The following GSE1 variants were observed in gnomAD, a reference collection of about 807,000 sequenced individuals.
GSE1 encodes the protein Gse1 coiled-coil protein.
GSE1 carries 32 observed loss-of-function variants against 112.6 expected under a neutral mutation model. The observed-to-expected ratio is 0.28, with a 90% CI of 0.21 to 0.38. The LOEUF is 0.38. Ranked by LOEUF, GSE1 falls within the 10% of genes least tolerant of loss-of-function variation. The pLI, the probability that GSE1 is intolerant of heterozygous loss-of-function variation, is 1.00. For synonymous variants in GSE1, 1,115 were observed against 735.6 expected (o/e 1.52, Z -8.35); for missense variants, 2,348 against 1,699.2 (o/e 1.38, Z -6.71).
chr16:85,194,288 C>T (rs2074885340), intron 1 of GSE1, among the ~76,000 whole-genome samples: 2 of 152,188 alleles, frequency 1.3e-5, no homozygotes, highest in Non-Finnish European at 2.9e-5. Flanking sequence ...TCCTGGGATG[C>T]TGGTTCTTTC....
At chr16:85,475,080 C>T (rs765573184) in intron 2 of GSE1, among the ~76,000 whole-genome samples, 2 of 152,164 alleles carry the variant, frequency 1.3e-5, no homozygotes, top group Non-Finnish European at 2.9e-5. Flanking sequence ...CTTGTAATAA[C>T]ACTCCCCGAT....
At chr16:85,578,659 C>G (rs1038880698) in intron 1 of GSE1, among the ~76,000 whole-genome samples, 43 of 152,308 alleles carry the variant, frequency 2.8e-4, no homozygotes, top group African/African-American at 9.9e-4. Flanking sequence ...CAAGTGTCCC[C>G]CGAATCAGGC....
At chr16:85,343,974 T>C (rs943950476) in intron 1 of GSE1, among the ~76,000 whole-genome samples, 1 of 152,216 alleles carries the variant, frequency 6.6e-6, no homozygotes, top group Non-Finnish European at 1.5e-5. Context: ...GCCTTTGCAC[T>C]GGCCATTCCC....
intron 2 of GSE1, among the ~76,000 whole-genome samples, chr16:85,434,505 C>T (rs73259397): frequency 0.054 from 8,135 of 152,054 alleles, 741 homozygotes; most frequent in African/African-American, 0.19. Context: ...AGCTGTTTGC[C>T]CAAGGCTCCA....
rs542033401 is a variant in GSE1 at position 85,654,166 on chromosome 16, TA to T, written c.427-111del. Reference sequence around the variant, plus strand: ...GAAAGCCTTAGGGAAAGGATGTTTCTAGAACATGAACTAAATCTAGCGCCTT... The same window carrying T: ...GAAAGCCTTAGGGAAAGGATGTTTCTGAACATGAACTAAATCTAGCGCCTT... On this transcript the variant is annotated intron_variant, in intron 3 of 15. Coordinates refer to ENST00000253458, the MANE Select transcript of GSE1 (RefSeq NM_014615.5). The T allele has an allele frequency of 5.5e-4, 542 of 977,502 alleles. 1 individual carries two copies. The Middle Eastern group carries it at 8.1e-3, about 15-fold the overall frequency. 60.6% of individuals were successfully genotyped at this position (977,502 alleles called of 1,614,324 possible). A position where few individuals can be genotyped will look rare whatever the true frequency, so the allele number is the denominator to read the frequency against.
chr16:85,224,585 C>T (rs7198287), intron 1 of GSE1, among the ~76,000 whole-genome samples: 31,395 of 151,974 alleles, frequency 0.21, 3,346 homozygotes, highest in South Asian at 0.33. Context: ...TACTATGTGC[C>T]GGGCACTGTT....
intron 1 of GSE1, among the ~76,000 whole-genome samples, chr16:85,596,617 T>C (rs567408230): frequency 1.3e-5 from 2 of 152,384 alleles, no homozygotes; most frequent in African/African-American, 4.8e-5. Flanking sequence ...TGCTTAATTT[T>C]AAAATTTTAA....
chr16:85,536,199 G>T (rs1201123048), intron 2 of GSE1, among the ~76,000 whole-genome samples: 1 of 152,238 alleles, frequency 6.6e-6, no homozygotes, highest in Non-Finnish European at 1.5e-5. Context: ...GTGGTTGAAG[G>T]CCAGGAAGTT....
At chr16:85,570,628 G>A (rs1001385840) in intron 1 of GSE1, among the ~76,000 whole-genome samples, 3 of 152,224 alleles carry the variant, frequency 2.0e-5, no homozygotes, top group Non-Finnish European at 2.9e-5. Flanking sequence ...GACCGGTGGG[G>A]TGAGCCGCGT....
At chr16:85,596,062 CT>C (rs1330709284) in intron 1 of GSE1, among the ~76,000 whole-genome samples, 2 of 151,354 alleles carry the variant, frequency 1.3e-5, no homozygotes, top group Non-Finnish European at 2.9e-5. Context: ...CCGTCCACCC[CT>C]GAACCCATCT....
In GSE1 at chr16:85,495,609, G is replaced by A. The variant is rs142174539; in HGVS notation, c.2464+137966G>A. Among the ~76,000 whole-genome samples, 93 of 151,934 alleles carry A rather than the reference G, an allele frequency of 6.1e-4. 2 individuals carry two copies. The highest frequency in any genetic ancestry group is 7.9e-4 in the Admixed American group (12 of 15,256). On this transcript the variant is annotated intron_variant, in intron 2 of 2. Transcript: ENST00000637419. ...CCTCCAGGGTTCAAGCAATTCTTAC[G>A]CCTCTCAATAAGCTGGGATTACAGG...
At chr16:85,257,548 A>G (rs1039651737) in intron 1 of GSE1, among the ~76,000 whole-genome samples, 2 of 152,266 alleles carry the variant, frequency 1.3e-5, no homozygotes, top group African/African-American at 4.8e-5. Flanking sequence ...TTAAAAGATA[A>G]TGAAAAATGA....
At chr16:85,624,092 C>G (rs903073677) in intron 1 of GSE1, among the ~76,000 whole-genome samples, 2 of 152,188 alleles carry the variant, frequency 1.3e-5, no homozygotes, top group African/African-American at 4.8e-5. Context: ...TCCTTGTGAG[C>G]AAGCGTCTCA....
chr16:85,665,860 G>T (rs772337813), intron 12 of GSE1, 116 bp from the exon 13 acceptor site: 6 of 977,692 alleles, frequency 6.1e-6, no homozygotes, highest in East Asian at 4.8e-5. Context: ...CCGGGTCTTG[G>T]TTCTTTGCGC....
At chr16:85,208,978 G>A (rs2075172965) in intron 1 of GSE1, among the ~76,000 whole-genome samples, 1 of 150,960 alleles carries the variant, frequency 6.6e-6, no homozygotes, top group African/African-American at 2.4e-5. Flanking sequence ...GTTGGGGTTT[G>A]CCACTTGTTG....
At chr16:85,559,090 T>C (rs766337926) in intron 1 of GSE1, among the ~76,000 whole-genome samples, 3 of 152,190 alleles carry the variant, frequency 2.0e-5, no homozygotes, top group Admixed American at 6.5e-5. Flanking sequence ...ACTCCTGACC[T>C]CAGGTGATCC....
chr16:85,341,350 G>A (rs7197107), intron 1 of GSE1, among the ~76,000 whole-genome samples: 7,426 of 152,186 alleles, frequency 0.049, 565 homozygotes, highest in African/African-American at 0.16. Flanking sequence ...CTACCATGCT[G>A]AGCTAATTTT....
chr16:85,391,880 G>A (rs916305034), intron 2 of GSE1, among the ~76,000 whole-genome samples: 3 of 152,160 alleles, frequency 2.0e-5, no homozygotes, highest in Admixed American at 6.5e-5. Context: ...ATGCTGGAAC[G>A]TGTTCCCGGG....
chr16:85,377,369 T>C (rs1196170338), intron 2 of GSE1, among the ~76,000 whole-genome samples: 2 of 152,084 alleles, frequency 1.3e-5, no homozygotes, highest in African/African-American at 4.8e-5. Context: ...TGCCAAGAAA[T>C]AAAATTCTTA....
Sources: gnomAD v4.1 joint callset for allele counts (sites outside exome capture counted in the v4.1 genomes callset) on GRCh38, gnomAD v4.1.1 for gene constraint, MANE v1.5 for transcripts, NCBI Gene and HGNC (gene_info 2026-07-23, HGNC 2026-07-21) for gene names.